Variants in SLC35F1 observed in about 807,000 individuals in gnomAD.
SLC35F1 encodes the protein chromosome 6 open reading frame 169.
A neutral mutation model predicts 48.7 loss-of-function variants in SLC35F1; 14 were observed. The observed-to-expected ratio is 0.29, with a 90% CI of 0.19 to 0.45. The LOEUF is 0.45. SLC35F1 is among the 20% of genes least tolerant of loss of function. The pLI, the probability that SLC35F1 is intolerant of heterozygous loss-of-function variation, is 1.00. For synonymous variants in SLC35F1, 190 were observed against 202.2 expected, an observed-to-expected ratio of 0.94 and a Z score of 0.51; for missense variants, 404 against 500.0, an observed-to-expected ratio of 0.81 and a Z score of 1.83.
Position 117,918,901 on chromosome 6 carries a change from AT to A in SLC35F1, c.173+11012del, listed in dbSNP as rs201226637. On this transcript the variant is annotated intron_variant, in intron 1 of 7. Transcript: ENST00000360388. ...AGGGAATTAAGATAATTTTAAAATA[AT>A]TTTTTTTTTAAGAGACAAAGTTTCA... 1.8e-3 allele frequency among the ~76,000 whole-genome samples: 271 copies of A among 149,960 alleles called. 1 individual carries two copies. The highest frequency in any genetic ancestry group is 4.3e-3 in the East Asian group (22 of 5,110).
At chr6:118,307,498 C>A (rs1393804257) in intron 7 of SLC35F1, among the ~76,000 whole-genome samples, 1 of 152,006 alleles carries the variant, frequency 6.6e-6, no homozygotes, top group East Asian at 1.9e-4. Flanking sequence ...AAATAAGGGA[C>A]ATGAGAAAGG....
At position 118,300,866 on chromosome 6, in the gene SLC35F1, A is replaced by G. The variant is rs997656152; in HGVS notation, c.1003-13162A>G. 3.9e-5 allele frequency among the ~76,000 whole-genome samples: 6 copies of G among 152,230 alleles called. No individual in the cohort carries two copies. In the East Asian group the frequency reaches 9.6e-4, roughly 24 times the overall value. On this transcript the variant is annotated intron_variant, in intron 7 of 7. Coordinates refer to ENST00000360388, the MANE Select transcript of SLC35F1 (RefSeq NM_001029858.4). ...ATTCTGTGAGTCCTCAGCTTTAGCA[A>G]TGTGACTGAATTTAATTAGAATGTA...
intron 1 of SLC35F1, among the ~76,000 whole-genome samples, chr6:117,924,507 T>TC (rs1422268307): frequency 5.0e-5 from 3 of 60,480 alleles, no homozygotes; most frequent in Non-Finnish European, 1.1e-4. Context: ...TGTATATACG[T>TC]ATATACATAT....
At chr6:117,956,812 A>C (rs1776434450) in intron 1 of SLC35F1, among the ~76,000 whole-genome samples, 2 of 152,326 alleles carry the variant, frequency 1.3e-5, no homozygotes. Flanking sequence ...GCAAATATCC[A>C]GGAGGGCAGG....
chr6:118,237,066 T>C (rs1423846278), intron 3 of SLC35F1, among the ~76,000 whole-genome samples: 1 of 152,156 alleles, frequency 6.6e-6, no homozygotes, highest in Non-Finnish European at 1.5e-5. Flanking sequence ...CATTTCTTTA[T>C]GTTAAAAAAT....
chr6:118,074,890 A>G (rs1772794945), intron 1 of SLC35F1, among the ~76,000 whole-genome samples: 1 of 152,132 alleles, frequency 6.6e-6, no homozygotes, highest in Non-Finnish European at 1.5e-5. Context: ...GCAATCTTCC[A>G]TCCTTGGACT....
Position 118,274,547 on chromosome 6 carries a change from G to A in SLC35F1, c.638-912G>A, listed in dbSNP as rs548768980. Among the ~76,000 whole-genome samples, 25 of 152,064 alleles carry A rather than the reference G, an allele frequency of 1.6e-4. No homozygotes were observed. In the South Asian group the frequency reaches 4.4e-3, roughly 27 times the overall value. Reference sequence around the variant, plus strand: ...CAAGTAGCTGGGATTACAGGCACCCGCCACCACATCTGGCTAATTTTTGTA... The same window carrying A: ...CAAGTAGCTGGGATTACAGGCACCCACCACCACATCTGGCTAATTTTTGTA... On this transcript the variant is annotated intron_variant, in intron 4 of 7. Coordinates refer to ENST00000360388, the MANE Select transcript of SLC35F1 (RefSeq NM_001029858.4).
chr6:118,314,213 C>T lies in SLC35F1; in HGVS notation c.1188C>T (p.Gly396=). The T allele has an allele frequency of 3.1e-6, 5 of 1,614,202 alleles. No individual in the cohort carries two copies. The highest frequency in any genetic ancestry group is 4.2e-6 in the Non-Finnish European group (5 of 1,180,032). Reference sequence around the variant, plus strand: ...CCTCAGTCACCTACACCAGCCTGGGCCAGGAGACCGAAGAGGAGCCTCATG... The same window carrying T: ...CCTCAGTCACCTACACCAGCCTGGGTCAGGAGACCGAAGAGGAGCCTCATG... ...VEPSVTYTSL[G]QETEEEPHVR... Residue 396 remains glycine, a synonymous_variant, in exon 8 of 8, where the codon GGC becomes GGT. Coordinates refer to ENST00000360388, the MANE Select transcript of SLC35F1 (RefSeq NM_001029858.4).
At chr6:118,229,171 G>C (rs553177916) in intron 2 of SLC35F1, among the ~76,000 whole-genome samples, 2 of 152,116 alleles carry the variant, frequency 1.3e-5, no homozygotes, top group African/African-American at 2.4e-5. Context: ...TGCAACCACT[G>C]TTACTATGTC....
chr6:118,168,626 A>G (rs866636740), intron 2 of SLC35F1, among the ~76,000 whole-genome samples: 7 of 152,142 alleles, frequency 4.6e-5, no homozygotes, highest in Non-Finnish European at 5.9e-5. Flanking sequence ...AAGACTCTTA[A>G]CTGTCTCGTC....
At chr6:117,948,236 A>G (rs1776319074) in intron 1 of SLC35F1, among the ~76,000 whole-genome samples, 1 of 152,172 alleles carries the variant, frequency 6.6e-6, no homozygotes, top group Non-Finnish European at 1.5e-5. Flanking sequence ...TGAAAAAGCA[A>G]TACCACTTCA....
chr6:118,157,657 T>A (rs1774166485), intron 2 of SLC35F1, among the ~76,000 whole-genome samples: 1 of 152,016 alleles, frequency 6.6e-6, no homozygotes, highest in Non-Finnish European at 1.5e-5. Flanking sequence ...GAACTTGAAG[T>A]CCGATGTTTG....
intron 2 of SLC35F1, among the ~76,000 whole-genome samples, chr6:118,174,057 T>C (rs1774451082): frequency 1.3e-5 from 2 of 152,164 alleles, no homozygotes; most frequent in Non-Finnish European, 2.9e-5. Context: ...TCAGATGGAC[T>C]CTGTTTCTCA....
intron 7 of SLC35F1, among the ~76,000 whole-genome samples, chr6:118,288,381 C>T (rs1776077389): frequency 1.3e-5 from 2 of 152,256 alleles, no homozygotes; most frequent in South Asian, 4.1e-4. Context: ...AGACATAATA[C>T]ATCAATCAAT....
intron 1 of SLC35F1, among the ~76,000 whole-genome samples, chr6:118,130,490 A>T (rs1438260151): frequency 1.3e-5 from 2 of 152,068 alleles, no homozygotes; most frequent in African/African-American, 4.8e-5. Context: ...AAACAAACGA[A>T]CAAACAAACA....
chr6:117,952,759 A>C (rs1776380708), intron 1 of SLC35F1, among the ~76,000 whole-genome samples: 1 of 152,246 alleles, frequency 6.6e-6, no homozygotes, highest in African/African-American at 2.4e-5. Flanking sequence ...AATCATCCTT[A>C]GAAACAGAGA....
intron 3 of SLC35F1, among the ~76,000 whole-genome samples, chr6:118,238,426 A>AAAT (rs67710305): frequency 0.14 from 19,600 of 144,324 alleles, 1,379 homozygotes; most frequent in Middle Eastern, 0.22. Context: ...CCCATCTCTA[A>AAAT]AATAATAATA....
chr6:117,983,339 G>A (rs1776806718), intron 1 of SLC35F1, among the ~76,000 whole-genome samples: 1 of 152,152 alleles, frequency 6.6e-6, no homozygotes, highest in South Asian at 2.1e-4. Context: ...CACTTTGGGA[G>A]GCTGAGGCTG....
At chr6:118,004,703 A>G (rs554238424) in intron 1 of SLC35F1, among the ~76,000 whole-genome samples, 1 of 152,238 alleles carries the variant, frequency 6.6e-6, no homozygotes, top group African/African-American at 2.4e-5. Context: ...CTGAGACTAC[A>G]GGTCCATGCC....
Sources: allele counts gnomAD v4.1 joint callset (sites outside exome capture counted in the v4.1 genomes callset), GRCh38; gene constraint gnomAD v4.1.1; transcripts MANE v1.5; gene names NCBI Gene and HGNC (gene_info 2026-07-23, HGNC 2026-07-21).